Variants in RNF38 observed in about 807,000 individuals in gnomAD.
RNF38 encodes ring finger protein 38, also known as E3 ubiquitin-protein ligase RNF38.
Under a neutral mutation model 67.2 loss-of-function variants are expected in RNF38, and 15 were observed. The ratio of observed to expected loss-of-function variants is 0.22; its 90% CI spans 0.15 to 0.34. The LOEUF (loss-of-function observed/expected upper bound fraction) is 0.34, where lower values mean the gene tolerates loss of function less well. Among genes scored for constraint, RNF38 ranks in the 10% least tolerant of loss-of-function variants. RNF38 has a pLI of 1.00. For missense variants in RNF38, 524 were observed against 639.9 expected (o/e 0.82, Z 1.95); for synonymous variants, 220 against 218.8 (o/e 1.01, Z -0.05).
intron 9 of RNF38, among the ~76,000 whole-genome samples, chr9:36,350,515 G>A (rs1207048606): frequency 2.6e-5 from 4 of 152,200 alleles, no homozygotes; most frequent in African/African-American, 9.6e-5. Flanking sequence ...CAGACCATCT[G>A]TTGATTCTCA....
intron 2 of RNF38, among the ~76,000 whole-genome samples, chr9:36,415,987 G>C (rs1185338078): frequency 1.3e-5 from 2 of 151,924 alleles, no homozygotes; most frequent in Admixed American, 1.3e-4. Context: ...GCAGTAGTAC[G>C]GGGCGGGGGA....
In RNF38 at chr9:36,398,115, T is replaced by C. The variant is rs534033997; in HGVS notation, c.12+1982A>G. Among the ~76,000 whole-genome samples, 10 of 152,350 alleles carry C rather than the reference T, an allele frequency of 6.6e-5. 1 individual carries two copies. In the South Asian group the frequency reaches 2.1e-3, roughly 32 times the overall value. On this transcript the variant is annotated intron_variant, in intron 1 of 11. Coordinates refer to ENST00000259605, the MANE Select transcript of RNF38 (RefSeq NM_022781.5). ...AAATAATTATTGCTTGCCTGCCATA[T>C]GCTGGATGCTGTGACTACAAAATGG... is the stretch of plus-strand genomic sequence containing the variant.
intron 4 of RNF38, among the ~76,000 whole-genome samples, chr9:36,362,768 G>A (rs942346359): frequency 2.0e-5 from 3 of 151,984 alleles, no homozygotes; most frequent in Admixed American, 6.6e-5. Context: ...CGAGTAGCTG[G>A]GACTATAGGC....
At chr9:36,433,112 T>C (rs1023048912) in intron 1 of RNF38, among the ~76,000 whole-genome samples, 1 of 148,910 alleles carries the variant, frequency 6.7e-6, no homozygotes, top group African/African-American at 2.5e-5. Flanking sequence ...AGAAGAATGA[T>C]AGCTACCAGA....
intron 1 of RNF38, among the ~76,000 whole-genome samples, chr9:36,437,392 G>A (rs1839094982): frequency 6.6e-6 from 1 of 152,134 alleles, no homozygotes. Flanking sequence ...TATAGTTACT[G>A]GGTATCTCAC....
At chr9:36,369,296 G>A (rs376457201) in intron 4 of RNF38, among the ~76,000 whole-genome samples, 4 of 152,190 alleles carry the variant, frequency 2.6e-5, no homozygotes, top group Admixed American at 6.5e-5. Flanking sequence ...GCAGTGGTGC[G>A]ATCTTGACTC....
chr9:36,357,975 G>C (rs1834252604), intron 4 of RNF38, 33 bp from the exon 5 acceptor site: 2 of 1,580,940 alleles, frequency 1.3e-6, no homozygotes, highest in South Asian at 1.1e-5. Flanking sequence ...ACAAACTTTA[G>C]CTGTTTAGAT....
chr9:36,439,436 G>A (rs1235165287), intron 1 of RNF38, among the ~76,000 whole-genome samples: 1 of 152,180 alleles, frequency 6.6e-6, no homozygotes, highest in East Asian at 1.9e-4. Context: ...CAAGGTTGTT[G>A]CGAAGCTTAT....
chr9:36,461,955 TG>T (rs1400476478), intron 1 of RNF38, among the ~76,000 whole-genome samples: 3 of 152,034 alleles, frequency 2.0e-5, no homozygotes, highest in African/African-American at 7.2e-5. Flanking sequence ...AGAAGAGAGA[TG>T]AAGAAACAGG....
At chr9:36,416,756 T>TA (rs1838483584) in intron 2 of RNF38, among the ~76,000 whole-genome samples, 3 of 137,518 alleles carry the variant, frequency 2.2e-5, no homozygotes, top group Admixed American at 1.5e-4. Context: ...TTTTTTTTTT[T>TA]TTTTTTTTTT....
At chr9:36,467,320 A>G (rs1302372052) in intron 1 of RNF38, among the ~76,000 whole-genome samples, 1 of 149,582 alleles carries the variant, frequency 6.7e-6, no homozygotes, top group East Asian at 2.0e-4. Context: ...CCAACTATTT[A>G]AAATTATGAA....
At chr9:36,438,901 G>A (rs1166917386) in intron 1 of RNF38, among the ~76,000 whole-genome samples, 2 of 152,214 alleles carry the variant, frequency 1.3e-5, no homozygotes, top group African/African-American at 4.8e-5. Flanking sequence ...GGACATGAGA[G>A]CTTAGGAACT....
chr9:36,458,286 C>A (rs1289702341), intron 1 of RNF38, among the ~76,000 whole-genome samples: 1 of 152,118 alleles, frequency 6.6e-6, no homozygotes, highest in African/African-American at 2.4e-5. Flanking sequence ...TAAAATGGAC[C>A]AGTCAGTGCT....
upstream of RNF38, among the ~76,000 whole-genome samples, chr9:36,403,347 G>A (rs1483339500): frequency 2.0e-5 from 3 of 152,192 alleles, no homozygotes; most frequent in Non-Finnish European, 4.4e-5. Flanking sequence ...CTGCCCCATC[G>A]AAAAGGCTGC....
upstream of RNF38, among the ~76,000 whole-genome samples, chr9:36,405,171 G>A (rs1226616504): frequency 6.6e-6 from 1 of 152,134 alleles, no homozygotes; most frequent in Non-Finnish European, 1.5e-5. Flanking sequence ...GGATGCTGAG[G>A]CAGGAGAATC....
At chr9:36,398,257 A>C (rs761286292) in intron 1 of RNF38, among the ~76,000 whole-genome samples, 2 of 152,284 alleles carry the variant, frequency 1.3e-5, no homozygotes, top group South Asian at 4.1e-4. Context: ...TGAAAAGTTC[A>C]GATCCTTAAC....
intron 1 of RNF38, among the ~76,000 whole-genome samples, chr9:36,474,867 C>A (rs770839365): frequency 1.1e-4 from 16 of 147,860 alleles, no homozygotes; most frequent in Non-Finnish European, 2.1e-4. Context: ...CAGGGCCGGG[C>A]GCGGTGCCTC....
intron 1 of RNF38, among the ~76,000 whole-genome samples, chr9:36,467,272 T>C (rs147277166): frequency 0.015 from 2,034 of 135,774 alleles, 20 homozygotes; most frequent in Non-Finnish European, 0.021. Flanking sequence ...TACACACACA[T>C]ACATATATGG....
intron 2 of RNF38, among the ~76,000 whole-genome samples, chr9:36,423,844 G>A (rs1838697028): frequency 1.2e-5 from 1 of 86,488 alleles, no homozygotes; most frequent in Admixed American, 1.0e-4. Flanking sequence ...AGCTACTCGG[G>A]AGGCTGAGGC....
Sources: allele counts gnomAD v4.1 joint callset (sites outside exome capture counted in the v4.1 genomes callset), GRCh38; gene constraint gnomAD v4.1.1; transcripts MANE v1.5; gene names NCBI Gene and HGNC (gene_info 2026-07-23, HGNC 2026-07-21).